The following ATRX variants were observed in gnomAD, a reference collection of about 807,000 sequenced individuals.
The protein encoded by ATRX is ATRX chromatin remodeler.
In ATRX, 12 loss-of-function variants were observed where a neutral mutation model predicts 172.6. The observed-to-expected ratio is 0.07, with a 90% CI of 0.04 to 0.11. The LOEUF (loss-of-function observed/expected upper bound fraction) is 0.11, where lower values mean the gene tolerates loss of function less well. ATRX is among the 10% of genes least tolerant of loss of function. The pLI is 1.00. For synonymous variants in ATRX, 674 were observed against 594.7 expected (o/e 1.13, Z -1.94); for missense variants, 1,368 against 1,767.4 (o/e 0.77, Z 4.05).
At chrX:77,676,989 G>A (rs1418210663) in intron 9 of ATRX, among the ~76,000 whole-genome samples, 3 of 110,658 alleles carry the variant, frequency 2.7e-5, no homozygotes, top group African/African-American at 9.9e-5. Context: ...AGCCATGGTG[G>A]TGTGTGCCTG....
In ATRX at chrX:77,684,164, G is replaced by A. The variant is rs2071422126; in HGVS notation, c.1092C>T (p.Ala364=). ...ATTTAACATAACTGGAGTTCATGTT[G>A]GCTGTGGTCTCAATCAGTTTTTTTG... ...KKAKKLIETT[A]NMNSSYVKFL... The change falls in exon 9 of 35, where the codon GCC becomes GCT. Residue 364 remains alanine, a synonymous_variant. Coordinates refer to ENST00000373344, the MANE Select transcript of ATRX (RefSeq NM_000489.6). The A allele has an allele frequency of 8.3e-7, 1 of 1,209,072 alleles. No homozygotes were observed. Among genetic ancestry groups the A allele is most frequent in the Non-Finnish European group, 1.1e-6 (1 of 894,258 alleles).
Position 77,659,482 on chromosome X carries a change from T to TACACAC in ATRX, c.4121-2835_4121-2830dup, listed in dbSNP as rs72145948. On this transcript the variant is annotated intron_variant, in intron 12 of 34. Transcript: ENST00000373344. ...CATTTGCTTTTTTTCTTTCTCTCTC[T>TACACAC]ACACACACACACACACACACACACA... 8.3e-3 allele frequency among the ~76,000 whole-genome samples: 734 copies of TACACAC among 88,479 alleles called. 4 individuals carry two copies. Among genetic ancestry groups the TACACAC allele is most frequent in the Middle Eastern group, 0.017 (3 of 178 alleles). 76.8% of individuals were successfully genotyped at this position (88,479 alleles called of 115,157 possible).
intron 34 of ATRX, 108 bp from the exon 35 acceptor site, chrX:77,508,737 A>G: frequency 1.2e-6 from 1 of 857,099 alleles, no homozygotes; most frequent in Non-Finnish European, 1.7e-6. Flanking sequence ...CCAAAAGGAA[A>G]ACACATTATT....
chrX:77,762,302 C>T (rs1436040382), intron 1 of ATRX, among the ~76,000 whole-genome samples: 2 of 67,249 alleles, frequency 3.0e-5, no homozygotes, highest in Non-Finnish European at 5.2e-5. Context: ...AAGACTCTGT[C>T]TCAAAAAAAA....
chrX:77,573,784 C>T (rs1372818725), intron 28 of ATRX, among the ~76,000 whole-genome samples: 4 of 111,450 alleles, frequency 3.6e-5, no homozygotes, highest in African/African-American at 1.3e-4. Context: ...TAAATGTACA[C>T]TTACTATATG....
intron 26 of ATRX, among the ~76,000 whole-genome samples, 180 bp from the exon 27 acceptor site, chrX:77,590,120 AT>A (rs2066182112): frequency 9.0e-6 from 1 of 111,708 alleles, no homozygotes. Context: ...AGGGAAGACA[AT>A]TCTGAAAAAG....
intron 15 of ATRX, among the ~76,000 whole-genome samples, chrX:77,648,547 G>A (rs1557115015): frequency 9.3e-6 from 1 of 107,729 alleles, no homozygotes; most frequent in Non-Finnish European, 1.9e-5. Flanking sequence ...GATAAACACA[G>A]TAAAAAGAAG....
At chrX:77,719,647 A>G (rs191584443) in intron 1 of ATRX, among the ~76,000 whole-genome samples, 2 of 111,709 alleles carry the variant, frequency 1.8e-5, no homozygotes, top group African/African-American at 6.5e-5. Flanking sequence ...TCCTAAATAT[A>G]TATGTACCCA....
intron 27 of ATRX, among the ~76,000 whole-genome samples, chrX:77,585,378 A>C (rs781933594): frequency 2.0e-4 from 22 of 108,310 alleles, no homozygotes; most frequent in African/African-American, 6.4e-4. Context: ...GTTTGAGACC[A>C]GCCTGGCCAA....
chrX:77,630,061 A>G (rs1475001719), intron 19 of ATRX, among the ~76,000 whole-genome samples: 1 of 112,363 alleles, frequency 8.9e-6, no homozygotes, highest in Non-Finnish European at 1.9e-5. Flanking sequence ...GTATACAAAA[A>G]TCTGTTGTAT....
chrX:77,763,888 C>G (rs962643479), intron 1 of ATRX, among the ~76,000 whole-genome samples: 1 of 111,115 alleles, frequency 9.0e-6, no homozygotes, highest in African/African-American at 3.3e-5. Context: ...CTGAGGCAAG[C>G]GGATCACTTG....
chrX:77,659,008 A>C (rs782550825), intron 12 of ATRX, among the ~76,000 whole-genome samples: 2 of 112,055 alleles, frequency 1.8e-5, no homozygotes, highest in East Asian at 5.6e-4. Context: ...TGCTAACAGA[A>C]ATGCTATAAA....
chrX:77,652,363 T>G lies in ATRX; in HGVS notation c.4318-10A>C, dbSNP rs781946372. ...CTTCCTCAGAATTACTCTACAGAATTTAAACAATTAGAGGTAAACAGTACA... is the reference window on the plus strand; with the variant it reads ...CTTCCTCAGAATTACTCTACAGAATGTAAACAATTAGAGGTAAACAGTACA... On this transcript the variant is annotated splice_polypyrimidine_tract_variant and intron_variant, in intron 14 of 34. Coordinates refer to ENST00000373344, the MANE Select transcript of ATRX (RefSeq NM_000489.6). 8 of 1,195,624 alleles carry G rather than the reference T, an allele frequency of 6.7e-6. No homozygotes were observed. The highest frequency in any genetic ancestry group is 9.0e-6 in the Non-Finnish European group (8 of 886,840).
intron 27 of ATRX, among the ~76,000 whole-genome samples, chrX:77,581,757 G>A (rs2065832882): frequency 8.9e-6 from 1 of 111,776 alleles, no homozygotes; most frequent in Non-Finnish European, 1.9e-5. Flanking sequence ...CTCAGCATGT[G>A]GATCATCCAT....
intron 30 of ATRX, among the ~76,000 whole-genome samples, chrX:77,540,649 G>A (rs958224697): frequency 1.1e-4 from 12 of 111,725 alleles, no homozygotes; most frequent in Non-Finnish European, 2.1e-4. Context: ...ATCAGAACTC[G>A]AGATTAAGAA....
intron 12 of ATRX, among the ~76,000 whole-genome samples, chrX:77,658,513 A>T (rs2069676240): frequency 1.8e-5 from 2 of 112,175 alleles, no homozygotes; most frequent in South Asian, 7.4e-4. Context: ...TTAGTGGGAA[A>T]ACTAATCTCT....
intron 28 of ATRX, among the ~76,000 whole-genome samples, chrX:77,566,767 G>C (rs573805950): frequency 2.7e-5 from 3 of 111,295 alleles, no homozygotes; most frequent in African/African-American, 6.5e-5. Flanking sequence ...AAAAGGAATG[G>C]CTACAATAAG....
At chrX:77,650,275 A>G (rs1297483554) in intron 15 of ATRX, among the ~76,000 whole-genome samples, 1 of 112,284 alleles carries the variant, frequency 8.9e-6, no homozygotes. Flanking sequence ...AAGGAAGTAC[A>G]TATTACTGCC....
chrX:77,764,605 A>G (rs2075841785), intron 1 of ATRX, among the ~76,000 whole-genome samples: 1 of 112,521 alleles, frequency 8.9e-6, no homozygotes, highest in Non-Finnish European at 1.9e-5. Flanking sequence ...TTTTTCATGT[A>G]GAAGGAGTAG....
Sources: gnomAD v4.1 joint callset for allele counts (sites outside exome capture counted in the v4.1 genomes callset) on GRCh38, gnomAD v4.1.1 for gene constraint, MANE v1.5 for transcripts, NCBI Gene and HGNC (gene_info 2026-07-23, HGNC 2026-07-21) for gene names.